ATXN1: variants seen among roughly 807,000 people sequenced by gnomAD.
The protein encoded by ATXN1 is ataxin 1.
In ATXN1, 8 loss-of-function variants were observed where a neutral mutation model predicts 56.4. The observed-to-expected ratio is 0.14, with a 90% CI of 0.08 to 0.26. The LOEUF is 0.26. Ranked by LOEUF, ATXN1 falls within the 10% of genes least tolerant of loss-of-function variation. The probability of loss-of-function intolerance (pLI) is 1.00; values close to 1 mark genes in which losing one functional copy is unlikely to be tolerated. For synonymous variants in ATXN1, 514 were observed against 494.6 expected, an observed-to-expected ratio of 1.04 and a Z score of -0.52; for missense variants, 987 against 1,106.5, an observed-to-expected ratio of 0.89 and a Z score of 1.53.
At chr6:16,455,432 A>G (rs1759846446) in intron 6 of ATXN1, among the ~76,000 whole-genome samples, 1 of 152,258 alleles carries the variant, frequency 6.6e-6, no homozygotes, top group South Asian at 2.1e-4. Context: ...GCTGGCAAGG[A>G]TGCAGAGCCA....
At chr6:16,335,034 A>G (rs1372990282) in intron 6 of ATXN1, among the ~76,000 whole-genome samples, 1 of 152,218 alleles carries the variant, frequency 6.6e-6, no homozygotes, top group Non-Finnish European at 1.5e-5. Flanking sequence ...ATAGAAACTC[A>G]GGGATATGGG....
intron 6 of ATXN1, among the ~76,000 whole-genome samples, chr6:16,364,079 T>C (rs1370713411): frequency 6.6e-6 from 1 of 152,188 alleles, no homozygotes; most frequent in Non-Finnish European, 1.5e-5. Context: ...GTCCAGTTCA[T>C]TAAGTTCAAG....
intron 3 of ATXN1, among the ~76,000 whole-genome samples, chr6:16,633,021 G>T (rs2113812225): frequency 1.3e-5 from 2 of 151,412 alleles, no homozygotes; most frequent in South Asian, 4.2e-4. Context: ...AGAAAAGAAA[G>T]AAATGAAAAT....
intron 5 of ATXN1, among the ~76,000 whole-genome samples, chr6:16,487,254 C>T (rs1468060747): frequency 6.9e-6 from 1 of 145,822 alleles, no homozygotes; most frequent in Non-Finnish European, 1.5e-5. Flanking sequence ...CATGTTTTTC[C>T]TTTCAAATCA....
At chr6:16,704,206 T>A (rs923276587) in intron 2 of ATXN1, among the ~76,000 whole-genome samples, 4 of 152,220 alleles carry the variant, frequency 2.6e-5, no homozygotes, top group Non-Finnish European at 5.9e-5. Context: ...TATTTTCATT[T>A]CCTATCTAAT....
chr6:16,540,554 A>G lies in ATXN1; in HGVS notation c.-360-17866T>C, dbSNP rs374414123. Among the ~76,000 whole-genome samples the G allele has an allele frequency of 1.4e-4, 22 of 152,152 alleles. No individual in the cohort carries two copies. The East Asian group carries it at 2.7e-3, about 19-fold the overall frequency. ...ACAGCCCAGTGAGATGAGTTCTATT[A>G]TTATTCCCATTGTACAGATTGGAGT... On this transcript the variant is annotated intron_variant, in intron 4 of 7. Transcript: ENST00000436367.
intron 3 of ATXN1, among the ~76,000 whole-genome samples, chr6:16,606,325 CAT>C (rs1286518675): frequency 2.0e-5 from 3 of 152,130 alleles, no homozygotes; most frequent in African/African-American, 7.2e-5. Flanking sequence ...CCTGCGAACA[CAT>C]GTGATGGGTA....
intron 6 of ATXN1, among the ~76,000 whole-genome samples, chr6:16,446,407 A>G (rs187702629): frequency 5.3e-5 from 8 of 152,228 alleles, no homozygotes; most frequent in African/African-American, 1.9e-4. Context: ...TGTTTCTCAA[A>G]TGTGGTTTCC....
chr6:16,481,582 C>A (rs1760439715), intron 6 of ATXN1, among the ~76,000 whole-genome samples: 1 of 152,178 alleles, frequency 6.6e-6, no homozygotes, highest in African/African-American at 2.4e-5. Context: ...TCCATAGACA[C>A]ACAAAATTCC....
At chr6:16,403,549 C>T (rs998426350) in intron 6 of ATXN1, among the ~76,000 whole-genome samples, 31 of 152,166 alleles carry the variant, frequency 2.0e-4, no homozygotes, top group Non-Finnish European at 4.3e-4. Context: ...TGGGGTTTCG[C>T]CACATTGGCC....
intron 6 of ATXN1, among the ~76,000 whole-genome samples, chr6:16,473,464 G>A (rs368343645): frequency 1.6e-4 from 25 of 152,158 alleles, no homozygotes; most frequent in African/African-American, 5.1e-4. Flanking sequence ...GGTCCTATCC[G>A]AGGTCAGAGA....
intron 6 of ATXN1, among the ~76,000 whole-genome samples, chr6:16,476,040 T>C (rs1581788251): frequency 6.6e-6 from 1 of 152,054 alleles, no homozygotes; most frequent in African/African-American, 2.4e-5. Context: ...CAGCTAATTT[T>C]ATATATATTT....
At chr6:16,541,810 T>C (rs914584879) in intron 4 of ATXN1, among the ~76,000 whole-genome samples, 13 of 152,196 alleles carry the variant, frequency 8.5e-5, no homozygotes, top group Admixed American at 2.0e-4. Flanking sequence ...ACGGAAATTG[T>C]ATCCTGCTAA....
intron 2 of ATXN1, among the ~76,000 whole-genome samples, chr6:16,701,688 TAACAGACA>T (rs1759288080): frequency 6.9e-6 from 1 of 144,384 alleles, no homozygotes; most frequent in Admixed American, 6.8e-5. Context: ...TATACACCAC[TAACAGACA>T]AACAGAGAGC....
At chr6:16,343,548 C>A (rs1222841173) in intron 6 of ATXN1, among the ~76,000 whole-genome samples, 3 of 152,120 alleles carry the variant, frequency 2.0e-5, no homozygotes, top group Non-Finnish European at 4.4e-5. Context: ...TTTCTCACAT[C>A]CGCAAAGGGG....
intron 3 of ATXN1, among the ~76,000 whole-genome samples, chr6:16,631,821 T>C (rs1012695550): frequency 2.0e-5 from 3 of 152,198 alleles, no homozygotes; most frequent in African/African-American, 7.2e-5. Context: ...GAAGAATTTT[T>C]CAATTTGCCA....
chr6:16,680,177 G>C (rs549211269), intron 2 of ATXN1, among the ~76,000 whole-genome samples: 1 of 152,148 alleles, frequency 6.6e-6, no homozygotes, highest in African/African-American at 2.4e-5. Context: ...AGGTATCAGA[G>C]GCTGCTGCCC....
At chr6:16,474,520 G>A (rs1185051243) in intron 6 of ATXN1, among the ~76,000 whole-genome samples, 1 of 152,198 alleles carries the variant, frequency 6.6e-6, no homozygotes, top group Non-Finnish European at 1.5e-5. Context: ...GACTAAAATA[G>A]TCCAGGTGAC....
At chr6:16,519,030 A>G (rs749343358) in intron 5 of ATXN1, among the ~76,000 whole-genome samples, 8 of 152,226 alleles carry the variant, frequency 5.3e-5, no homozygotes, top group Non-Finnish European at 7.3e-5. Flanking sequence ...TTTTCAATAT[A>G]TTTACACACT....
Sources: gnomAD v4.1 joint callset for allele counts (sites outside exome capture counted in the v4.1 genomes callset) on GRCh38, gnomAD v4.1.1 for gene constraint, MANE v1.5 for transcripts, NCBI Gene and HGNC (gene_info 2026-07-23, HGNC 2026-07-21) for gene names.